NMI: variants seen among roughly 807,000 people sequenced by gnomAD.
NMI encodes N-myc and STAT interactor, also known as N-myc-interactor.
Under a neutral mutation model 34.3 loss-of-function variants are expected in NMI, and 39 were observed. The observed-to-expected ratio is 1.14, with a 90% confidence interval of 0.88 to 1.49. The LOEUF is 1.49. NMI is among the 40% of genes most tolerant of loss of function. The pLI is 0.00. For synonymous variants in NMI, 113 were observed against 120.3 expected (o/e 0.94, Z 0.40); for missense variants, 339 against 358.1 (o/e 0.95, Z 0.43).
chr2:151,271,674 A>G lies in NMI; in HGVS notation c.693T>C (p.His231=), dbSNP rs1558873630. 1.3e-6 allele frequency: 2 copies of G among 1,589,866 alleles called. No individual in the cohort carries two copies. The highest frequency in any genetic ancestry group is 3.4e-5 in the Admixed American group (2 of 59,418). Residue 231 remains histidine (H), a synonymous_variant, in exon 7 of 8, where the codon CAT becomes CAC. Coordinates refer to ENST00000243346, the MANE Select transcript of NMI (RefSeq NM_004688.3). Reference sequence around the variant, plus strand: ...CTGTGTATGGAGAAACAGTAACTCTATGGCAGGTTTGATTTATATAAAGAG... The same window carrying G: ...CTGTGTATGGAGAAACAGTAACTCTGTGGCAGGTTTGATTTATATAAAGAG... ...EYPLYINQTC[H]RVTVSPYTEI...
chr2:151,278,642 T>C, intron 4 of NMI, 186 bp downstream of exon 4: 1 of 544,750 alleles, frequency 1.8e-6, no homozygotes, highest in Non-Finnish European at 3.3e-6. Context: ...TACAAGATCA[T>C]ATTCAAGGCA....
intron 6 of NMI, among the ~76,000 whole-genome samples, chr2:151,274,727 C>A (rs1460502060): frequency 6.6e-6 from 1 of 151,884 alleles, no homozygotes; most frequent in Non-Finnish European, 1.5e-5. Context: ...CTGCCTGCCT[C>A]GGCCTCCCAA....
At chr2:151,285,509 A>T (rs2105212332) in intron 1 of NMI, among the ~76,000 whole-genome samples, 1 of 151,674 alleles carries the variant, frequency 6.6e-6, no homozygotes, top group Non-Finnish European at 1.5e-5. Flanking sequence ...AATCGCTTGA[A>T]GCCGGGAGGC....
chr2:151,275,404 T>C, intron 6 of NMI, 80 bp downstream of exon 6: 1 of 1,253,480 alleles, frequency 8.0e-7, no homozygotes, highest in South Asian at 1.3e-5. Flanking sequence ...ATAAAAGAAG[T>C]AGAATAGGAA....
chr2:151,287,647 C>CA (rs1224710028), intron 1 of NMI, among the ~76,000 whole-genome samples: 3 of 152,082 alleles, frequency 2.0e-5, no homozygotes, highest in Non-Finnish European at 4.4e-5. Context: ...CTGATTCCCC[C>CA]AAAGGATGTT....
At chr2:151,283,345 T>C (rs1027649329) in intron 1 of NMI, among the ~76,000 whole-genome samples, 5 of 152,230 alleles carry the variant, frequency 3.3e-5, no homozygotes, top group Non-Finnish European at 7.4e-5. Flanking sequence ...TTTCACCATG[T>C]CGGTCAGGCT....
chr2:151,287,236 C>A (rs1282579419), intron 1 of NMI, among the ~76,000 whole-genome samples: 1 of 151,612 alleles, frequency 6.6e-6, no homozygotes, highest in African/African-American at 2.4e-5. Flanking sequence ...GTACTTGCAA[C>A]TTTTCTGTAA....
chr2:151,281,019 T>C (rs1683391637), intron 3 of NMI, among the ~76,000 whole-genome samples: 1 of 152,060 alleles, frequency 6.6e-6, no homozygotes, highest in Non-Finnish European at 1.5e-5. Flanking sequence ...TTTTCTTTTT[T>C]AGTAGAGACA....
chr2:151,285,265 A>G (rs566298492), intron 1 of NMI, among the ~76,000 whole-genome samples: 3 of 152,314 alleles, frequency 2.0e-5, no homozygotes, highest in Non-Finnish European at 4.4e-5. Context: ...AGATAATTAT[A>G]AATATGGAAA....
At chr2:151,282,114 C>T in intron 2 of NMI, 71 bp from the exon 3 acceptor site, 2 of 691,626 alleles carry the variant, frequency 2.9e-6, no homozygotes, top group Non-Finnish European at 2.5e-6. Flanking sequence ...GAACTAAAGA[C>T]TATAAATTTC....
rs77916395 is a variant in NMI at position 151,281,785 on chromosome 2, C to A, written c.177+163G>T. Among the ~76,000 whole-genome samples the A allele has an allele frequency of 1.6e-3, 250 of 152,308 alleles. 1 individual carries two copies. The East Asian group carries it at 0.022, about 14-fold the overall frequency. ...TACCCCAATTCACTAATTCGTTCTA[C>A]TATGAAGGAATCATTGGGTTGTTTT... On this transcript the variant is annotated intron_variant, in intron 3 of 7. Coordinates refer to ENST00000243346, the MANE Select transcript of NMI (RefSeq NM_004688.3).
At chr2:151,282,154 C>G in intron 2 of NMI, 111 bp from the exon 3 acceptor site, 3 of 611,048 alleles carry the variant, frequency 4.9e-6, no homozygotes, top group Non-Finnish European at 8.7e-6. Context: ...AGACATTAGA[C>G]AGTCTCAGAA....
intron 4 of NMI, among the ~76,000 whole-genome samples, chr2:151,276,198 G>A (rs1231079033): frequency 1.3e-5 from 2 of 151,990 alleles, no homozygotes; most frequent in African/African-American, 2.4e-5. Context: ...GATTACAGGT[G>A]CATGCCACCA....
intron 2 of NMI, among the ~76,000 whole-genome samples, chr2:151,282,343 T>C (rs1223356456): frequency 6.6e-6 from 1 of 152,226 alleles, no homozygotes; most frequent in African/African-American, 2.4e-5. Flanking sequence ...CTTCTGAATA[T>C]TACTTCAGTG....
chr2:151,289,135 C>T (rs1573750961), intron 1 of NMI: 1 of 151,700 alleles, frequency 6.6e-6, no homozygotes. Context: ...GTAGTCCCAG[C>T]TACTCTACTC....
chr2:151,274,268 G>A (rs1175802517), intron 6 of NMI, among the ~76,000 whole-genome samples: 3 of 135,426 alleles, frequency 2.2e-5, no homozygotes, highest in African/African-American at 5.6e-5. Context: ...GCTTGAACCC[G>A]GGAAGCGGAG....
intron 6 of NMI, among the ~76,000 whole-genome samples, chr2:151,273,634 TGCCTCA>T (rs1168052144): frequency 2.6e-5 from 4 of 152,202 alleles, no homozygotes; most frequent in African/African-American, 9.6e-5. Context: ...GCAATTCTCC[TGCCTCA>T]GCCTCCCAAG....
At chr2:151,279,672 CAG>C (rs2105207363) in intron 3 of NMI, among the ~76,000 whole-genome samples, 1 of 152,134 alleles carries the variant, frequency 6.6e-6, no homozygotes, top group South Asian at 2.1e-4. Context: ...TTAGCAAAGA[CAG>C]GGTTTCACCA....
chr2:151,288,586 T>TGC (rs34660876), intron 1 of NMI, among the ~76,000 whole-genome samples: 229 of 148,252 alleles, frequency 1.5e-3, no homozygotes, highest in African/African-American at 5.1e-3. Flanking sequence ...TGTGTGTGTG[T>TGC]GCGCGCGCGC....
Sources: allele counts gnomAD v4.1 joint callset (sites outside exome capture counted in the v4.1 genomes callset), GRCh38; gene constraint gnomAD v4.1.1; transcripts MANE v1.5; gene names NCBI Gene and HGNC (gene_info 2026-07-23, HGNC 2026-07-21).